The following PDHA1 variants were observed in gnomAD, a reference collection of about 807,000 sequenced individuals.
The protein encoded by PDHA1 is pyruvate dehydrogenase E1 component subunit alpha, somatic form, mitochondrial.
Under a neutral mutation model 33.0 loss-of-function variants are expected in PDHA1, and 1 was observed. The ratio of observed to expected loss-of-function variants is 0.03; its 90% CI spans 0.01 to 0.14. The LOEUF (loss-of-function observed/expected upper bound fraction) is 0.14, where lower values mean the gene tolerates loss of function less well. Ranked by LOEUF, PDHA1 falls within the 10% of genes least tolerant of loss-of-function variation. The probability of loss-of-function intolerance (pLI) is 1.00; values close to 1 mark genes in which losing one functional copy is unlikely to be tolerated. For missense variants in PDHA1, 168 were observed against 325.1 expected (o/e 0.52, Z 3.72); for synonymous variants, 123 against 119.2 (o/e 1.03, Z -0.21).
chrX:19,359,405 A>T, intron 10 of PDHA1, 84 bp from the exon 11 acceptor site: 1 of 786,965 alleles, frequency 1.3e-6, no homozygotes, highest in Non-Finnish European at 2.0e-6. Flanking sequence ...GAGTTACACC[A>T]GCAACAGGTC....
Position 19,360,854 on chromosome X carries a change from T to C in PDHA1, c.*1201T>C, listed in dbSNP as rs1198674515. 3 of 1,137,498 alleles carry C rather than the reference T, an allele frequency of 2.6e-6. No individual in the cohort carries two copies. Among genetic ancestry groups the C allele is most frequent in the Non-Finnish European group, 3.6e-6 (3 of 840,822 alleles). The allele number at this position is 1,137,498 out of a possible 1,213,427, so 93.7% of individuals were successfully genotyped here. ...CACCCCTGGGAAACAAACACAGCTG[T>C]CTTCAGAGTCAGTGCTTCAAGCCAA... On this transcript the variant is annotated 3_prime_UTR_variant, in exon 11 of 11. Transcript: ENST00000422285.
intron 4 of PDHA1, 109 bp downstream of exon 4, chrX:19,351,516 T>C (rs1212530160): frequency 8.6e-6 from 6 of 698,555 alleles, no homozygotes. Flanking sequence ...AAGTTTCTTT[T>C]TTTAACCCTC....
intron 1 of PDHA1, among the ~76,000 whole-genome samples, chrX:19,345,067 C>T (rs2063121716): frequency 9.0e-6 from 1 of 110,853 alleles, no homozygotes; most frequent in Non-Finnish European, 1.9e-5. Context: ...TAGAGTTTAG[C>T]ACTATTTCAT....
At chrX:19,352,552 C>G (rs923353426) in intron 4 of PDHA1, among the ~76,000 whole-genome samples, 1 of 112,805 alleles carries the variant, frequency 8.9e-6, no homozygotes, top group Non-Finnish European at 1.9e-5. Context: ...GACTCTTGAA[C>G]TATGGTTGTC....
At chrX:19,357,773 A>G (rs879000591) in intron 9 of PDHA1, 54 bp downstream of exon 9, 2 of 929,456 alleles carry the variant, frequency 2.2e-6, no homozygotes, top group South Asian at 3.9e-5. Context: ...ATGGTGTTAC[A>G]TGGCAAAAGC....
chrX:19,358,275 G>A (rs2063220109), intron 9 of PDHA1, among the ~76,000 whole-genome samples: 1 of 112,446 alleles, frequency 8.9e-6, no homozygotes, highest in Non-Finnish European at 1.9e-5. Context: ...AGCCTTTGTA[G>A]AGTGGACTTC....
rs7058209 is a variant in PDHA1 at position 19,355,671 on chromosome X, C to A, written c.760-15C>A. 88,359 of 1,193,154 alleles carry A rather than the reference C, an allele frequency of 0.074. 10,623 individuals are homozygous for A. Among genetic ancestry groups the A allele is most frequent in the African/African-American group, 0.67 (37,273 of 56,015 alleles). ...AGTTGGATTCATGCTTCGCCCCTCC[C>A]CTGTTTATTACCAGGTGGATGGAAT... On this transcript the variant is annotated splice_polypyrimidine_tract_variant and intron_variant, in intron 7 of 10. Coordinates refer to ENST00000422285, the MANE Select transcript of PDHA1 (RefSeq NM_000284.4).
chrX:19,355,779 G>C (rs756775018), intron 8 of PDHA1, 22 bp downstream of exon 8: 16 of 1,122,440 alleles, frequency 1.4e-5, no homozygotes, highest in Non-Finnish European at 2.0e-5. Flanking sequence ...AAGCCCTCTG[G>C]GCTAGTGACA....
chrX:19,358,881 CTTACTGATCGA>C (rs1272731479), intron 9 of PDHA1, 24 bp from the exon 10 acceptor site: 2 of 835,813 alleles, frequency 2.4e-6, no homozygotes, highest in East Asian at 3.1e-5. Flanking sequence ...TGGAACTGCT[CTTACTGATCGA>C]TTACTACTTT....
chrX:19,359,720 G>A lies in PDHA1; in HGVS notation c.*67G>A. 2 of 995,058 alleles carry A rather than the reference G, an allele frequency of 2.0e-6. No homozygotes were observed. Among genetic ancestry groups the A allele is most frequent in the East Asian group, 3.0e-5 (1 of 32,939 alleles). The allele number at this position is 995,058 out of a possible 1,213,427, so 82.0% of individuals were successfully genotyped here. A position where few individuals can be genotyped will look rare whatever the true frequency, so the allele number is the denominator to read the frequency against. ...ACAGTGTTCTCAACTTGGTTAAGGA[G>A]GAAGAAAACCCAGTCAATGAAATTC... On this transcript the variant is annotated 3_prime_UTR_variant, in exon 11 of 11. Transcript: ENST00000422285.
chrX:19,344,714 C>T (rs1032084227), intron 1 of PDHA1, among the ~76,000 whole-genome samples: 1 of 112,840 alleles, frequency 8.9e-6, no homozygotes, highest in African/African-American at 3.2e-5. Context: ...TTGGGGTTGT[C>T]TTGAGGATTC....
chrX:19,350,222 A>G (rs1208286163), intron 3 of PDHA1, 112 bp downstream of exon 3: 3 of 596,194 alleles, frequency 5.0e-6, no homozygotes, highest in East Asian at 6.5e-5. Flanking sequence ...CTGGTAATGT[A>G]ATTTTCTTTT....
intron 6 of PDHA1, 114 bp downstream of exon 6, chrX:19,354,697 A>G: frequency 1.8e-6 from 1 of 566,493 alleles, no homozygotes; most frequent in South Asian, 2.4e-5. Flanking sequence ...AGCAAGTCCT[A>G]TGGCTAGCTC....
chrX:19,357,371 C>T (rs938417560), intron 8 of PDHA1: 2 of 346,533 alleles, frequency 5.8e-6, no homozygotes, highest in African/African-American at 5.2e-5. Flanking sequence ...GCTGGGATTA[C>T]AGGCATGAGC....
In PDHA1 at chrX:19,360,484, A is replaced by AG. The variant is rs1361729930; in HGVS notation, c.*832dup. On this transcript the variant is annotated 3_prime_UTR_variant, in exon 11 of 11. Transcript: ENST00000422285. ...ATCCTCCCACCTCAGCCTCCTGCAT[A>AG]GCTGGGACTACAAGTGAATTTCCTA... is the stretch of plus-strand genomic sequence containing the variant. The AG allele has an allele frequency of 6.4e-5, 17 of 266,096 alleles. No individual in the cohort carries two copies. The highest frequency in any genetic ancestry group is 1.3e-5 in the Non-Finnish European group (2 of 149,854). 21.9% of individuals were successfully genotyped at this position (266,096 alleles called of 1,213,427 possible).
Position 19,359,714 on chromosome X carries a change from TAAG to T in PDHA1, c.*62_*64del, listed in dbSNP as rs1569194448. The T allele has an allele frequency of 2.6e-5, 27 of 1,046,216 alleles. No individual in the cohort carries two copies. The highest frequency in any genetic ancestry group is 3.6e-5 in the Non-Finnish European group (27 of 745,991). The allele number at this position is 1,046,216 out of a possible 1,213,427, so 86.2% of individuals were successfully genotyped here. ...TACCAGACAGTGTTCTCAACTTGGT[TAAG>T]GAGGAAGAAAACCCAGTCAATGAAA... On this transcript the variant is annotated 3_prime_UTR_variant, in exon 11 of 11. Transcript: ENST00000422285.
intron 6 of PDHA1, among the ~76,000 whole-genome samples, chrX:19,355,075 A>T (rs1226840699): frequency 1.8e-5 from 2 of 112,202 alleles, no homozygotes; most frequent in Admixed American, 1.9e-4. Flanking sequence ...TTTCATATTG[A>T]TCTTTTTTCC....
chrX:19,360,064 G>T lies in PDHA1; in HGVS notation c.*411G>T. Reference sequence around the variant, plus strand: ...GTTCGCGCTGACCATTTCTCTACAAGATACAATATTTATTATCAGGCAAGA... The same window carrying T: ...GTTCGCGCTGACCATTTCTCTACAATATACAATATTTATTATCAGGCAAGA... On this transcript the variant is annotated 3_prime_UTR_variant, in exon 11 of 11. Coordinates refer to ENST00000422285, the MANE Select transcript of PDHA1 (RefSeq NM_000284.4). The T allele has an allele frequency of 5.2e-6, 1 of 191,241 alleles. No homozygotes were observed. Among genetic ancestry groups the T allele is most frequent in the African/African-American group, 3.0e-5 (1 of 33,337 alleles). The allele number at this position is 191,241 out of a possible 1,213,427, so 15.8% of individuals were successfully genotyped here.
rs1467902314 is a variant in PDHA1, at chrX:19,355,237, G to GGCTTTCTGTGCTTTATGAAA, written c.604-100_604-81dup. On this transcript the variant is annotated intron_variant, in intron 6 of 10. Transcript: ENST00000422285. ...CCCAAAGCTCGGTTTTAGAAGAGGA[G>GGCTTTCTGTGCTTTATGAAA]GCTTTCTGTGCTTTATGAAAGCTTT... 3.2e-6 allele frequency: 3 copies of GGCTTTCTGTGCTTTATGAAA among 933,200 alleles called. No homozygotes were observed. In the South Asian group the frequency reaches 5.9e-5, roughly 18 times the overall value. 76.9% of individuals were successfully genotyped at this position (933,200 alleles called of 1,213,427 possible). A position where few individuals can be genotyped will look rare whatever the true frequency, so the allele number is the denominator to read the frequency against.
Sources: allele counts gnomAD v4.1 joint callset (sites outside exome capture counted in the v4.1 genomes callset), GRCh38; gene constraint gnomAD v4.1.1; transcripts MANE v1.5; gene names NCBI Gene and HGNC (gene_info 2026-07-23, HGNC 2026-07-21).